The following COL4A4 variants were observed in gnomAD, a reference collection of about 807,000 sequenced individuals.
COL4A4 encodes collagen alpha-4(IV) chain.
A neutral mutation model predicts 192.9 loss-of-function variants in COL4A4; 105 were observed. The observed-to-expected ratio is 0.54, with a 90% CI of 0.46 to 0.64. COL4A4 has a LOEUF of 0.64. Ranked by LOEUF, COL4A4 falls within the 30% of genes least tolerant of loss-of-function variation. The pLI, the probability that COL4A4 is intolerant of heterozygous loss-of-function variation, is 0.00. For synonymous variants in COL4A4, 762 were observed against 769.9 expected (o/e 0.99, Z 0.17); for missense variants, 1,967 against 2,169.3 (o/e 0.91, Z 1.85).
intron 4 of COL4A4, among the ~76,000 whole-genome samples, chr2:227,131,576 C>A (rs1040485696): frequency 6.6e-5 from 10 of 152,218 alleles, no homozygotes; most frequent in Non-Finnish European, 1.5e-4. Flanking sequence ...CACTTCAGGG[C>A]TCAAGCGGAG....
At chr2:227,099,839 T>C (rs2060409228) in intron 17 of COL4A4, 150 bp from the exon 18 acceptor site, 1 of 719,666 alleles carries the variant, frequency 1.4e-6, no homozygotes. Context: ...CCATGGAGTC[T>C]TAGGAGCAGC....
intron 7 of COL4A4, among the ~76,000 whole-genome samples, chr2:227,116,183 G>A: frequency 6.6e-6 from 1 of 152,186 alleles, no homozygotes; most frequent in East Asian, 1.9e-4. Flanking sequence ...CAGGACCTAG[G>A]TAAGGAAACA....
intron 1 of COL4A4, among the ~76,000 whole-genome samples, chr2:227,158,921 G>A (rs1424566380): frequency 1.3e-5 from 2 of 152,118 alleles, no homozygotes; most frequent in Non-Finnish European, 2.9e-5. Context: ...ATAATTAAAT[G>A]TACATCTACC....
At chr2:227,117,466 G>A (rs953334700) in intron 7 of COL4A4, among the ~76,000 whole-genome samples, 1 of 152,108 alleles carries the variant, frequency 6.6e-6, no homozygotes, top group Admixed American at 6.5e-5. Flanking sequence ...GATACCAGAA[G>A]AAAAATGTGA....
At chr2:227,085,228 T>A (rs1248898031) in intron 22 of COL4A4, among the ~76,000 whole-genome samples, 2 of 152,022 alleles carry the variant, frequency 1.3e-5, no homozygotes, top group African/African-American at 4.8e-5. Flanking sequence ...CAACTGCAGA[T>A]GCCTACAGGG....
intron 25 of COL4A4, among the ~76,000 whole-genome samples, chr2:227,070,651 T>C (rs2058660018): frequency 7.3e-6 from 1 of 137,324 alleles, no homozygotes; most frequent in African/African-American, 2.8e-5. Context: ...TTCTCACTCA[T>C]AGGTGGGAAT....
intron 43 of COL4A4, 72 bp from the exon 44 acceptor site, chr2:227,022,245 TA>T (rs1295968502): frequency 1.1e-5 from 18 of 1,577,076 alleles, no homozygotes; most frequent in Non-Finnish European, 1.6e-5. Context: ...AGTCTCTGGT[TA>T]AAGTTGGACT....
the COL4A4 span, among the ~76,000 whole-genome samples, chr2:226,972,478 A>C: frequency 6.6e-6 from 1 of 152,180 alleles, no homozygotes; most frequent in South Asian, 2.1e-4. Flanking sequence ...TGCCCATATG[A>C]GTGGGCCTGG....
chr2:227,121,183 A>C (rs941599428), intron 4 of COL4A4, 35 bp from the exon 5 acceptor site: 1 of 1,609,762 alleles, frequency 6.2e-7, no homozygotes, highest in Non-Finnish European at 8.5e-7. Flanking sequence ...TGGGGGTGCA[A>C]TTCTTAATTA....
chr2:227,051,818 T>C (rs964977782), intron 32 of COL4A4, among the ~76,000 whole-genome samples: 4 of 152,146 alleles, frequency 2.6e-5, no homozygotes, highest in African/African-American at 9.7e-5. Flanking sequence ...AATCTAGGAG[T>C]ACACAGGAAC....
At chr2:227,106,696 G>T (rs1375436505) in intron 12 of COL4A4, among the ~76,000 whole-genome samples, 1 of 152,112 alleles carries the variant, frequency 6.6e-6, no homozygotes, top group Non-Finnish European at 1.5e-5. Context: ...CTCCCAAGTA[G>T]CTGGGACTAC....
At position 227,114,228 on chromosome 2, in the gene COL4A4, C is replaced by T. The variant is rs532175645; in HGVS notation, c.558+400G>A. On this transcript the variant is annotated intron_variant, in intron 8 of 47. Transcript: ENST00000396625. ...GGACATTTGGTAATGTCTGGATATA[C>T]GCTTTGGGGAGTTCAGAGGTGGGGG... is the stretch of plus-strand genomic sequence containing the variant. 2.3e-4 allele frequency among the ~76,000 whole-genome samples: 35 copies of T among 152,286 alleles called. No homozygotes were observed. The South Asian group carries it at 6.8e-3, about 30-fold the overall frequency.
intron 25 of COL4A4, among the ~76,000 whole-genome samples, chr2:227,072,143 A>G (rs571882732): frequency 2.2e-4 from 34 of 152,190 alleles, no homozygotes; most frequent in African/African-American, 7.5e-4. Flanking sequence ...AACAAAATCA[A>G]TAGACCATTA....
At chr2:227,055,866 G>C in intron 30 of COL4A4, 79 bp downstream of exon 30, 2 of 1,284,374 alleles carry the variant, frequency 1.6e-6, no homozygotes, top group Non-Finnish European at 2.2e-6. Flanking sequence ...TTTTTGTGTG[G>C]TCATCTGTCC....
At chr2:227,043,306 T>C (rs1317656874) in intron 35 of COL4A4, 122 bp from the exon 36 acceptor site, 7 of 834,776 alleles carry the variant, frequency 8.4e-6, no homozygotes, top group Non-Finnish European at 1.4e-5. Flanking sequence ...TAGTTTCTAT[T>C]GGAAAGGAAA....
chr2:227,033,573 C>T lies in COL4A4; in HGVS notation c.3506-92G>A, dbSNP rs1283618837. 15 of 1,125,928 alleles carry T rather than the reference C, an allele frequency of 1.3e-5. 1 individual carries two copies. The highest frequency in any genetic ancestry group is 2.8e-4 in the Middle Eastern group (1 of 3,610). The allele number at this position is 1,125,928 out of a possible 1,614,324, so 69.7% of individuals were successfully genotyped here. ...CGCAGGCACTGCCCAGCAGAGGGCG[C>T]GTTGCTGGGGCCAGCAAACAGCTCT... is the stretch of plus-strand genomic sequence containing the variant. On this transcript the variant is annotated intron_variant, in intron 37 of 47. Transcript: ENST00000396625.
At chr2:227,070,486 T>C (rs1487015116) in intron 25 of COL4A4, among the ~76,000 whole-genome samples, 1 of 151,732 alleles carries the variant, frequency 6.6e-6, no homozygotes, top group Non-Finnish European at 1.5e-5. Context: ...CCAACAATGA[T>C]AGACTGGATT....
chr2:227,121,249 G>C, intron 4 of COL4A4, 101 bp from the exon 5 acceptor site: 1 of 1,314,520 alleles, frequency 7.6e-7, no homozygotes, highest in Non-Finnish European at 1.1e-6. Flanking sequence ...TTGGAAATTA[G>C]ATTTGCACAA....
the COL4A4 span, among the ~76,000 whole-genome samples, chr2:226,967,374 CT>C: frequency 5.9e-5 from 9 of 151,938 alleles, no homozygotes; most frequent in African/African-American, 1.9e-4. Context: ...GTTGAGAATT[CT>C]TTTTTTCTTT....
Sources: gnomAD v4.1 joint callset for allele counts (sites outside exome capture counted in the v4.1 genomes callset) on GRCh38, gnomAD v4.1.1 for gene constraint, MANE v1.5 for transcripts, NCBI Gene and HGNC (gene_info 2026-07-23, HGNC 2026-07-21) for gene names.